Variants in NRG3 observed in about 807,000 individuals in gnomAD.
The protein encoded by NRG3 is pro-neuregulin-3, membrane-bound isoform.
Under a neutral mutation model 66.9 loss-of-function variants are expected in NRG3, and 31 were observed. That is an observed-to-expected ratio of 0.46 (90% confidence interval 0.35 to 0.63). NRG3 has a LOEUF of 0.63. Ranked by LOEUF, NRG3 falls within the 20% of genes least tolerant of loss-of-function variation. The pLI is 0.00. For missense variants in NRG3, 910 were observed against 878.9 expected, an observed-to-expected ratio of 1.04 and a Z score of -0.45; for synonymous variants, 393 against 359.4, an observed-to-expected ratio of 1.09 and a Z score of -1.06.
At chr10:81,997,839 T>TGCCCCCC (rs1453312764) in intron 1 of NRG3, among the ~76,000 whole-genome samples, 2 of 150,366 alleles carry the variant, frequency 1.3e-5, no homozygotes. Flanking sequence ...TCTATATGTC[T>TGCCCCCC]GCCCCCCACC....
chr10:82,132,159 C>G (rs1468805131), intron 1 of NRG3, among the ~76,000 whole-genome samples: 1 of 151,846 alleles, frequency 6.6e-6, no homozygotes, highest in African/African-American at 2.4e-5. Flanking sequence ...TAGTATGATA[C>G]TAGCTGTGGG....
chr10:82,954,268 C>T (rs1359735183), intron 5 of NRG3, among the ~76,000 whole-genome samples: 2 of 151,762 alleles, frequency 1.3e-5, no homozygotes, highest in African/African-American at 4.9e-5. Flanking sequence ...GTAGTTGTAC[C>T]ACATTTAAAT....
intron 3 of NRG3, among the ~76,000 whole-genome samples, chr10:82,814,589 C>T (rs144128737): frequency 1.3e-5 from 2 of 152,136 alleles, no homozygotes; most frequent in East Asian, 1.9e-4. Flanking sequence ...GTAGAAAGGC[C>T]GACAGCTACT....
rs529051159 is a variant in NRG3 at position 82,455,915 on chromosome 10, G to C, written c.953+97047G>C. On this transcript the variant is annotated intron_variant, in intron 2 of 8. Transcript: ENST00000372141. The stretch of plus-strand genomic sequence containing the variant: ...GTACAGGCGTGAGCCACGGCACCTG[G>C]CTAGATTACACTAAACTTATTTTTT... Among the ~76,000 whole-genome samples, 70 of 152,038 alleles carry C rather than the reference G, an allele frequency of 4.6e-4. 1 individual carries two copies. In the South Asian group the frequency reaches 0.012, roughly 26 times the overall value.
At chr10:82,329,546 G>A (rs2082042212) in intron 1 of NRG3, among the ~76,000 whole-genome samples, 1 of 151,546 alleles carries the variant, frequency 6.6e-6, no homozygotes, top group Non-Finnish European at 1.5e-5. Context: ...CAAAACAGGG[G>A]TTATAGAGCA....
intron 1 of NRG3, among the ~76,000 whole-genome samples, chr10:82,090,991 A>C (rs1460083526): frequency 6.6e-6 from 1 of 152,130 alleles, no homozygotes; most frequent in Non-Finnish European, 1.5e-5. Context: ...TTTAAGACAA[A>C]AACGTTTTAG....
intron 1 of NRG3, among the ~76,000 whole-genome samples, chr10:82,069,790 G>C (rs1180694232): frequency 6.6e-6 from 1 of 152,114 alleles, no homozygotes; most frequent in African/African-American, 2.4e-5. Flanking sequence ...AAACTGCTCT[G>C]GTAAATTAAT....
At chr10:81,882,733 T>C (rs1163763965) in intron 1 of NRG3, among the ~76,000 whole-genome samples, 1 of 152,194 alleles carries the variant, frequency 6.6e-6, no homozygotes, top group Admixed American at 6.5e-5. Context: ...GCTGGTTTGT[T>C]ACCTAGCTTG....
intron 1 of NRG3, among the ~76,000 whole-genome samples, chr10:82,108,498 C>T (rs961814728): frequency 2.0e-5 from 3 of 152,178 alleles, no homozygotes; most frequent in African/African-American, 7.2e-5. Flanking sequence ...TGCTACCCTT[C>T]ACTTCCTCTT....
chr10:82,182,149 G>A (rs915017098), intron 1 of NRG3, among the ~76,000 whole-genome samples: 3 of 149,998 alleles, frequency 2.0e-5, no homozygotes, highest in Admixed American at 1.3e-4. Context: ...CCTTAAATCT[G>A]TATAGTCTTT....
intron 3 of NRG3, among the ~76,000 whole-genome samples, chr10:82,836,563 C>T (rs1186890022): frequency 6.6e-6 from 1 of 151,960 alleles, no homozygotes; most frequent in African/African-American, 2.4e-5. Context: ...TTAGCGTTGA[C>T]CATTGTTATT....
chr10:81,908,648 C>T (rs375771041), intron 1 of NRG3, among the ~76,000 whole-genome samples: 17 of 152,248 alleles, frequency 1.1e-4, no homozygotes, highest in African/African-American at 3.6e-4. Context: ...CTTTGTTCCT[C>T]TCTATGTGGG....
At chr10:82,131,643 A>G (rs777220600) in intron 1 of NRG3, among the ~76,000 whole-genome samples, 2 of 152,102 alleles carry the variant, frequency 1.3e-5, no homozygotes, top group African/African-American at 4.8e-5. Flanking sequence ...TGGCATTTTA[A>G]CAATACTGAT....
intron 1 of NRG3, among the ~76,000 whole-genome samples, chr10:82,253,883 T>C (rs1271776392): frequency 6.6e-6 from 1 of 152,232 alleles, no homozygotes; most frequent in Non-Finnish European, 1.5e-5. Flanking sequence ...GATCTTATTT[T>C]AGTTTCTTGA....
chr10:82,493,334 T>C (rs1843323281), intron 2 of NRG3, among the ~76,000 whole-genome samples: 1 of 152,150 alleles, frequency 6.6e-6, no homozygotes, highest in African/African-American at 2.4e-5. Flanking sequence ...CCTGTGTCTA[T>C]GTGTTCTCAT....
chr10:82,762,627 A>G (rs1022981778), intron 3 of NRG3, among the ~76,000 whole-genome samples: 1 of 152,184 alleles, frequency 6.6e-6, no homozygotes, highest in Non-Finnish European at 1.5e-5. Flanking sequence ...GTGTCTGTGT[A>G]TACTTGATTC....
rs754393405 is a variant in NRG3 at position 81,875,880 on chromosome 10, C to T, written c.540C>T (p.Arg180=). The T allele has an allele frequency of 6.2e-7, 1 of 1,611,554 alleles. No homozygotes were observed. Among genetic ancestry groups the T allele is most frequent in the East Asian group, 2.2e-5 (1 of 44,864 alleles). The change falls in exon 1 of 9, where the codon CGC becomes CGT. Residue 180 remains arginine (R), a synonymous_variant. Coordinates refer to ENST00000372141, the MANE Select transcript of NRG3 (RefSeq NM_001010848.4). This position sits in a 1 kb window ranked among gnomAD's most constrained non-coding sequence, Gnocchi z 5.3. ...GGGTGCCCATCCGGGCCAGCCCGCG[C>T]TCCACCACAGCACGGAACACTGCGG... ...GHRVPIRASP[R]STTARNTAAP...
intron 1 of NRG3, among the ~76,000 whole-genome samples, chr10:82,298,456 A>G (rs2080206230): frequency 6.6e-6 from 1 of 152,212 alleles, no homozygotes; most frequent in Non-Finnish European, 1.5e-5. Context: ...ATTTTACTAT[A>G]TAACACATTT....
At chr10:81,890,292 G>A (rs11191705) in intron 1 of NRG3, among the ~76,000 whole-genome samples, 9,161 of 152,152 alleles carry the variant, frequency 0.06, 588 homozygotes, top group East Asian at 0.19. Flanking sequence ...TGTTTGGAGT[G>A]GGGAAGGGAG....
Sources: allele counts gnomAD v4.1 joint callset (sites outside exome capture counted in the v4.1 genomes callset), GRCh38; gene constraint gnomAD v4.1.1; non-coding constraint Gnocchi (gnomAD v3.1); transcripts MANE v1.5; gene names NCBI Gene and HGNC (gene_info 2026-07-23, HGNC 2026-07-21).